The following CCL26 variants were observed in gnomAD, a reference collection of about 807,000 sequenced individuals.
CCL26 encodes the protein C-C motif chemokine 26.
A neutral mutation model predicts 10.7 loss-of-function variants in CCL26; 10 were observed. The ratio of observed to expected loss-of-function variants is 0.93; its 90% CI spans 0.57 to 1.58. The LOEUF (loss-of-function observed/expected upper bound fraction) is 1.58. Among genes scored for constraint, CCL26 ranks in the 40% most tolerant of loss-of-function variants. CCL26 has a pLI of 0.00. For synonymous variants in CCL26, 43 were observed against 41.4 expected, an observed-to-expected ratio of 1.04 and a Z score of -0.15; for missense variants, 116 against 111.0, an observed-to-expected ratio of 1.05 and a Z score of -0.20.
intron 1 of CCL26, among the ~76,000 whole-genome samples, chr7:75,777,601 T>G (rs527781467): frequency 6.6e-6 from 1 of 151,348 alleles, no homozygotes; most frequent in East Asian, 2.0e-4. Context: ...TAAGCAAAAT[T>G]ATCTGAGTTT....
chr7:75,784,414 A>C (rs1226295986), intron 1 of CCL26, among the ~76,000 whole-genome samples: 3 of 152,164 alleles, frequency 2.0e-5, no homozygotes, highest in African/African-American at 4.8e-5. Context: ...ACACTGCCTG[A>C]ACACCTCGGA....
intron 1 of CCL26, among the ~76,000 whole-genome samples, chr7:75,781,418 T>C (rs782488770): frequency 5.3e-5 from 8 of 152,226 alleles, no homozygotes; most frequent in Non-Finnish European, 1.0e-4. Flanking sequence ...CCCCAGGATC[T>C]TGATTCAAGT....
At chr7:75,785,659 G>C (rs1432965866) in intron 1 of CCL26, among the ~76,000 whole-genome samples, 1 of 152,084 alleles carries the variant, frequency 6.6e-6, no homozygotes, top group Non-Finnish European at 1.5e-5. Context: ...TGGATACCTG[G>C]TTTTGCCATC....
At chr7:75,776,553 G>GA (rs1554528729), upstream of CCL26, among the ~76,000 whole-genome samples, 3 of 107,326 alleles carry the variant, frequency 2.8e-5, no homozygotes, top group South Asian at 3.7e-4. Flanking sequence ...AGGAAGGAAG[G>GA]AAGGAAGGAA....
At position 75,787,274 on chromosome 7, in the gene CCL26, G is replaced by T. The variant is rs185885057; in HGVS notation, c.-79+2443C>A. Among the ~76,000 whole-genome samples the T allele has an allele frequency of 5.9e-5, 9 of 152,162 alleles. No individual in the cohort carries two copies. The East Asian group carries it at 1.7e-3, about 29-fold the overall frequency. On this transcript the variant is annotated intron_variant, in intron 1 of 3. Transcript: ENST00000394905. Reference sequence around the variant, plus strand: ...ACCCAAGCAGTTTCTCAGGCTCTTGGTATTCAGTGGAAACTTCGTACCCCT... The same window carrying T: ...ACCCAAGCAGTTTCTCAGGCTCTTGTTATTCAGTGGAAACTTCGTACCCCT...
chr7:75,772,382 C>A, upstream of CCL26: 2 of 560,196 alleles, frequency 3.6e-6, no homozygotes, highest in Non-Finnish European at 6.4e-6. Flanking sequence ...TGGCACTGGG[C>A]GTGGTGGCTC....
intron 1 of CCL26, among the ~76,000 whole-genome samples, chr7:75,781,546 C>T (rs1166487715): frequency 6.6e-6 from 1 of 152,218 alleles, no homozygotes; most frequent in African/African-American, 2.4e-5. Context: ...TGTCAGGGCT[C>T]TGAGCCCAAG....
At chr7:75,778,901 T>G (rs1331114616) in intron 1 of CCL26, among the ~76,000 whole-genome samples, 7 of 151,856 alleles carry the variant, frequency 4.6e-5, no homozygotes, top group African/African-American at 9.7e-5. Context: ...ACCAACATGG[T>G]GAAACCCCAT....
chr7:75,780,636 C>T lies in CCL26; in HGVS notation c.-78-8382G>A, dbSNP rs782161236. Among the ~76,000 whole-genome samples, 4 of 152,120 alleles carry T rather than the reference C, an allele frequency of 2.6e-5. 1 individual carries two copies. Among genetic ancestry groups the T allele is most frequent in the Non-Finnish European group, 5.9e-5 (4 of 68,020 alleles). On this transcript the variant is annotated intron_variant, in intron 1 of 3. Transcript: ENST00000394905. ...CCTGACGTCCAGGCATTCTTTTACA[C>T]ATCAGTCCCTCGCTAGTCTCTGTTC... is the stretch of plus-strand genomic sequence containing the variant.
intron 1 of CCL26, among the ~76,000 whole-genome samples, chr7:75,787,261 T>C (rs567055818): frequency 1.3e-4 from 20 of 152,230 alleles, no homozygotes; most frequent in Admixed American, 2.6e-4. Context: ...CCAAGCAGTT[T>C]CTCAGGCTCT....
intron 1 of CCL26, among the ~76,000 whole-genome samples, chr7:75,780,408 C>G (rs1803037105): frequency 6.6e-6 from 1 of 152,148 alleles, no homozygotes; most frequent in South Asian, 2.1e-4. Flanking sequence ...TCTCCCTTAG[C>G]CTGTGTTCTC....
upstream of CCL26, among the ~76,000 whole-genome samples, chr7:75,777,058 C>G (rs562853840): frequency 6.6e-6 from 1 of 151,948 alleles, no homozygotes; most frequent in African/African-American, 2.4e-5. Flanking sequence ...TAGTGAAACC[C>G]GGTCTCTACT....
chr7:75,783,400 C>T (rs1480317734), intron 1 of CCL26, among the ~76,000 whole-genome samples: 1 of 152,166 alleles, frequency 6.6e-6, no homozygotes, highest in East Asian at 1.9e-4. Flanking sequence ...CAAAATGGAA[C>T]TATCAGGCTG....
chr7:75,784,786 C>T (rs1803146599), intron 1 of CCL26, among the ~76,000 whole-genome samples: 1 of 152,062 alleles, frequency 6.6e-6, no homozygotes, highest in Admixed American at 6.6e-5. Context: ...TCCTTCACAT[C>T]CTCCCCTTGT....
chr7:75,791,013 C>CTT (rs35608337), upstream of CCL26, among the ~76,000 whole-genome samples: 15 of 134,352 alleles, frequency 1.1e-4, no homozygotes, highest in Non-Finnish European at 1.1e-4. Flanking sequence ...GAAACTCCTC[C>CTT]TTTTTTTTTT....
upstream of CCL26, among the ~76,000 whole-genome samples, chr7:75,790,178 C>CCTTCCTTCCTTTCTTTCTTTCTTTCTTT (rs60788546): frequency 7.0e-4 from 31 of 44,338 alleles, 1 homozygote; most frequent in East Asian, 6.1e-3. Flanking sequence ...TTCCTTCCTT[C>CCTTCCTTCCTTTCTTTCTTTCTTTCTTT]CTTTCTTTCT....
intron 1 of CCL26, among the ~76,000 whole-genome samples, chr7:75,786,048 T>A (rs375452377): frequency 1.3e-5 from 2 of 152,318 alleles, no homozygotes; most frequent in East Asian, 3.9e-4. Flanking sequence ...TCTATTGTCT[T>A]CCTCACACCT....
chr7:75,776,864 C>T (rs1457725997), upstream of CCL26, among the ~76,000 whole-genome samples: 2 of 152,040 alleles, frequency 1.3e-5, no homozygotes, highest in African/African-American at 4.8e-5. Context: ...AAACTATTGG[C>T]AGTATTTATT....
intron 1 of CCL26, among the ~76,000 whole-genome samples, chr7:75,787,042 G>A (rs1803207582): frequency 6.6e-6 from 1 of 152,122 alleles, no homozygotes; most frequent in South Asian, 2.1e-4. Context: ...CCCAGGACTG[G>A]CAAATTGACT....
Sources: gnomAD v4.1 joint callset for allele counts (sites outside exome capture counted in the v4.1 genomes callset) on GRCh38, gnomAD v4.1.1 for gene constraint, MANE v1.5 for transcripts, NCBI Gene and HGNC (gene_info 2026-07-23, HGNC 2026-07-21) for gene names.